The following CHCHD6 variants were observed in gnomAD, a reference collection of about 807,000 sequenced individuals.
CHCHD6 encodes coiled-coil-helix-coiled-coil-helix domain containing 6.
A neutral mutation model predicts 32.3 loss-of-function variants in CHCHD6; 28 were observed. The observed-to-expected ratio is 0.87, with a 90% CI of 0.64 to 1.19. CHCHD6 has a LOEUF of 1.19. CHCHD6 is among the 50% of genes most tolerant of loss of function. CHCHD6 has a pLI of 0.00. For synonymous variants in CHCHD6, 122 were observed against 117.5 expected (o/e 1.04, Z -0.25); for missense variants, 333 against 307.0 (o/e 1.08, Z -0.63).
At chr3:126,762,497 ACTT>A (rs1937200584) in intron 4 of CHCHD6, among the ~76,000 whole-genome samples, 1 of 152,118 alleles carries the variant, frequency 6.6e-6, no homozygotes, top group African/African-American at 2.4e-5. Flanking sequence ...TGGAGAAGAT[ACTT>A]CTTATGATTT....
chr3:126,806,845 A>G, intron 4 of CHCHD6, among the ~76,000 whole-genome samples: 1 of 152,250 alleles, frequency 6.6e-6, no homozygotes, highest in East Asian at 1.9e-4. Context: ...TGGCACATAT[A>G]CACCATGGAA....
In CHCHD6 at chr3:126,957,443, A is replaced by G. The variant is rs752741656; in HGVS notation, c.594A>G (p.Ser198=). 1.2e-6 allele frequency: 2 copies of G among 1,611,262 alleles called. No individual in the cohort carries two copies. Among genetic ancestry groups the G allele is most frequent in the Admixed American group, 3.3e-5 (2 of 59,848 alleles). Residue 198 remains serine (S), a synonymous_variant, in exon 7 of 8, where the codon TCA becomes TCG. Coordinates refer to ENST00000290913, the MANE Select transcript of CHCHD6 (RefSeq NM_032343.3). ...CCCGCAGGGTGGAGCCCGTCTGCTC[A>G]GGGTTGCAGGCCCAGATTCTCCACT... ...IKPRRVEPVC[S]GLQAQILHCY...
intron 5 of CHCHD6, among the ~76,000 whole-genome samples, chr3:126,860,259 G>A (rs764261727): frequency 3.1e-4 from 47 of 152,296 alleles, no homozygotes; most frequent in Non-Finnish European, 5.7e-4. Flanking sequence ...TGGGGAAGAG[G>A]CCCACCTTCC....
intron 5 of CHCHD6, among the ~76,000 whole-genome samples, chr3:126,883,083 G>T (rs2077632653): frequency 6.6e-6 from 1 of 152,212 alleles, no homozygotes; most frequent in South Asian, 2.1e-4. Context: ...CCCAAACAAG[G>T]ATTGGCTGGA....
At chr3:126,946,809 A>C (rs568889238) in intron 6 of CHCHD6, among the ~76,000 whole-genome samples, 1 of 152,234 alleles carries the variant, frequency 6.6e-6, no homozygotes, top group South Asian at 2.1e-4. Flanking sequence ...GAATCTCCTT[A>C]CTGCTGCCTG....
At chr3:126,774,154 G>T (rs116696245) in intron 4 of CHCHD6, among the ~76,000 whole-genome samples, 2,830 of 152,116 alleles carry the variant, frequency 0.019, 83 homozygotes, top group East Asian at 0.14. Flanking sequence ...ACTTATTGAG[G>T]TTTAATGTAT....
chr3:126,825,372 G>A (rs1405169263), intron 4 of CHCHD6, among the ~76,000 whole-genome samples: 1 of 152,130 alleles, frequency 6.6e-6, no homozygotes. Flanking sequence ...GCGCTTGAAA[G>A]TAACGTGATT....
intron 4 of CHCHD6, among the ~76,000 whole-genome samples, chr3:126,773,596 GCTTTT>G (rs1386942831): frequency 1.4e-5 from 2 of 143,624 alleles, no homozygotes; most frequent in African/African-American, 2.6e-5. Flanking sequence ...GACAGTTTCT[GCTTTT>G]CTTTTTTTTT....
chr3:126,813,345 T>C (rs1939742445), intron 4 of CHCHD6, among the ~76,000 whole-genome samples: 1 of 152,214 alleles, frequency 6.6e-6, no homozygotes, highest in Non-Finnish European at 1.5e-5. Context: ...GTCAATAAAT[T>C]ATATTCCTGC....
intron 4 of CHCHD6, among the ~76,000 whole-genome samples, chr3:126,740,264 G>C (rs1436408941): frequency 1.3e-5 from 2 of 152,114 alleles, no homozygotes; most frequent in Non-Finnish European, 2.9e-5. Context: ...ACTGTTGCTT[G>C]GTGGTCAGTG....
At chr3:126,788,824 A>C (rs1186811131) in intron 4 of CHCHD6, among the ~76,000 whole-genome samples, 1 of 152,024 alleles carries the variant, frequency 6.6e-6, no homozygotes, top group Admixed American at 6.5e-5. Context: ...TATCTCCTTC[A>C]GTTCTGCTCT....
intron 4 of CHCHD6, among the ~76,000 whole-genome samples, chr3:126,807,101 T>C (rs1227411023): frequency 6.8e-6 from 1 of 147,964 alleles, no homozygotes; most frequent in African/African-American, 2.5e-5. Context: ...TAATGCTAAA[T>C]GAGGAGTTAA....
intron 5 of CHCHD6, among the ~76,000 whole-genome samples, chr3:126,872,525 A>G (rs1310114213): frequency 6.6e-6 from 1 of 152,212 alleles, no homozygotes; most frequent in Non-Finnish European, 1.5e-5. Context: ...ACCTATGCCT[A>G]CATGGATGGT....
At chr3:126,847,514 C>A (rs1941332334) in intron 4 of CHCHD6, among the ~76,000 whole-genome samples, 1 of 152,176 alleles carries the variant, frequency 6.6e-6, no homozygotes, top group Non-Finnish European at 1.5e-5. Context: ...AAAACTAAAT[C>A]TTGGAAGTGA....
chr3:126,960,017 CTG>C (rs2078837952), intron 7 of CHCHD6, among the ~76,000 whole-genome samples, 177 bp from the exon 8 acceptor site: 2 of 152,202 alleles, frequency 1.3e-5, no homozygotes, highest in African/African-American at 4.8e-5. Flanking sequence ...TTGCTGGGGA[CTG>C]TGCTGGGCTC....
intron 5 of CHCHD6, among the ~76,000 whole-genome samples, chr3:126,883,380 C>A (rs1317513059): frequency 6.6e-6 from 1 of 152,224 alleles, no homozygotes; most frequent in African/African-American, 2.4e-5. Flanking sequence ...CTTGTGGGAT[C>A]TGCCACTGTC....
chr3:126,935,058 C>T (rs142557818), intron 6 of CHCHD6: 7 of 861,560 alleles, frequency 8.1e-6, no homozygotes, highest in East Asian at 1.2e-4. Context: ...AGTTGGGAAT[C>T]GTTTTGGAAA....
At chr3:126,904,624 G>A (rs2077979242) in intron 5 of CHCHD6, among the ~76,000 whole-genome samples, 1 of 152,206 alleles carries the variant, frequency 6.6e-6, no homozygotes, top group Non-Finnish European at 1.5e-5. Context: ...AGTAGTGACT[G>A]AAATGATAGA....
rs116562830 is a variant in CHCHD6 at position 126,917,253 on chromosome 3, G to A, written c.566+2503G>A. Among the ~76,000 whole-genome samples the A allele has an allele frequency of 6.7e-3, 1,021 of 152,316 alleles. 12 individuals are homozygous for A. Among genetic ancestry groups the A allele is most frequent in the African/African-American group, 0.021 (882 of 41,568 alleles). On this transcript the variant is annotated intron_variant, in intron 6 of 7. Transcript: ENST00000290913. ...ACTCCATTCTATATTTACTCTTGTTGGTTTCATATACAAGTGAAGAACTGA... is the reference window on the plus strand; with the variant it reads ...ACTCCATTCTATATTTACTCTTGTTAGTTTCATATACAAGTGAAGAACTGA...
Sources: gnomAD v4.1 joint callset for allele counts (sites outside exome capture counted in the v4.1 genomes callset) on GRCh38, gnomAD v4.1.1 for gene constraint, MANE v1.5 for transcripts, NCBI Gene and HGNC (gene_info 2026-07-23, HGNC 2026-07-21) for gene names.